The following SOX6 variants were observed in gnomAD, a reference collection of about 807,000 sequenced individuals.
The protein encoded by SOX6 is transcription factor SOX-6.
In SOX6, 11 loss-of-function variants were observed where a neutral mutation model predicts 97.8. That is an observed-to-expected ratio of 0.11 (90% CI 0.07 to 0.19). The LOEUF (loss-of-function observed/expected upper bound fraction) is 0.19, where lower values mean the gene tolerates loss of function less well. Ranked by LOEUF, SOX6 falls within the 10% of genes least tolerant of loss-of-function variation. The pLI, the probability that SOX6 is intolerant of heterozygous loss-of-function variation, is 1.00. For missense variants in SOX6, 810 were observed against 1,039.5 expected (o/e 0.78, Z 3.04); for synonymous variants, 360 against 371.4 (o/e 0.97, Z 0.35).
Position 16,221,185 on chromosome 11 carries a change from T to A in SOX6, c.535+13397A>T, listed in dbSNP as rs143477067. On this transcript the variant is annotated intron_variant, in intron 4 of 15. Transcript: ENST00000683767. ...AGACATTATTTGCATGTTACAGTGA[T>A]GACATTTGCATTGATTATGCAAATA... Among the ~76,000 whole-genome samples the A allele has an allele frequency of 3.0e-4, 45 of 152,216 alleles. 1 individual carries two copies. The highest frequency in any genetic ancestry group is 1.1e-3 in the African/African-American group (44 of 41,552).
chr11:16,636,169 C>A (rs1299871393), intron 3 of SOX6, among the ~76,000 whole-genome samples: 1 of 152,202 alleles, frequency 6.6e-6, no homozygotes, highest in Non-Finnish European at 1.5e-5. Context: ...ACATTCAATA[C>A]CAGTCATGAA....
chr11:16,414,302 C>T (rs553174076), intron 1 of SOX6, among the ~76,000 whole-genome samples: 36 of 152,302 alleles, frequency 2.4e-4, no homozygotes, highest in Middle Eastern at 6.8e-3. Context: ...TTTCATTTAA[C>T]TCATCTGCAA....
chr11:16,699,376 C>A (rs1365010718), intron 3 of SOX6, among the ~76,000 whole-genome samples: 2 of 152,040 alleles, frequency 1.3e-5, no homozygotes, highest in East Asian at 3.9e-4. Context: ...GAACATCACG[C>A]TGCCACCAAG....
At chr11:16,538,165 A>G (rs558025610) in intron 4 of SOX6, among the ~76,000 whole-genome samples, 47 of 152,192 alleles carry the variant, frequency 3.1e-4, no homozygotes, top group Non-Finnish European at 5.7e-4. Flanking sequence ...GGGAGGGGCC[A>G]ATATTCAACA....
intron 12 of SOX6, among the ~76,000 whole-genome samples, chr11:16,037,666 T>C (rs1232108995): frequency 6.6e-6 from 1 of 151,972 alleles, no homozygotes; most frequent in East Asian, 1.9e-4. Context: ...GACCTGTGAG[T>C]TGTGGAAGCA....
At chr11:16,015,146 C>G (rs1854847644) in intron 12 of SOX6, 96 bp from the exon 13 acceptor site, 5 of 1,017,190 alleles carry the variant, frequency 4.9e-6, no homozygotes, top group Non-Finnish European at 7.6e-6. Context: ...AAGGTGAATT[C>G]AAAAATATCA....
chr11:16,114,515 G>T (rs1293375293), intron 6 of SOX6, among the ~76,000 whole-genome samples: 1 of 152,084 alleles, frequency 6.6e-6, no homozygotes, highest in Non-Finnish European at 1.5e-5. Context: ...TTTCTTATAT[G>T]GTTTGCATAT....
chr11:16,606,066 CG>C (rs1418158259), intron 4 of SOX6: 1 of 151,670 alleles, frequency 6.6e-6, no homozygotes, highest in Non-Finnish European at 1.5e-5. Context: ...ACATGACCTC[CG>C]GCTACAACTA....
chr11:16,219,835 A>C (rs1248195601), intron 4 of SOX6, among the ~76,000 whole-genome samples: 2 of 151,952 alleles, frequency 1.3e-5, no homozygotes, highest in South Asian at 2.1e-4. Flanking sequence ...TAAACTAAAG[A>C]TATACCCAGA....
At chr11:16,287,347 G>A (rs1854785719) in intron 3 of SOX6, among the ~76,000 whole-genome samples, 2 of 135,468 alleles carry the variant, frequency 1.5e-5, no homozygotes, top group African/African-American at 5.8e-5. Context: ...CTATACTATT[G>A]CTGTATTTAA....
intron 13 of SOX6, among the ~76,000 whole-genome samples, chr11:16,003,499 C>T (rs1454469084): frequency 6.6e-6 from 1 of 152,088 alleles, no homozygotes; most frequent in African/African-American, 2.4e-5. Flanking sequence ...TATGTACTTA[C>T]TTTCTTTTCT....
At chr11:16,649,629 T>C (rs1294924670) in intron 3 of SOX6, among the ~76,000 whole-genome samples, 2 of 151,896 alleles carry the variant, frequency 1.3e-5, no homozygotes, top group Non-Finnish European at 1.5e-5. Context: ...GAGTTCTAAA[T>C]CTTGAAGAAA....
intron 1 of SOX6, among the ~76,000 whole-genome samples, chr11:16,432,020 A>G (rs1438564865): frequency 6.6e-6 from 1 of 152,112 alleles, no homozygotes. Context: ...ATTTTCCCTA[A>G]AAGTTCCCTT....
At chr11:16,153,432 T>C (rs1160278850) in intron 6 of SOX6, among the ~76,000 whole-genome samples, 2 of 152,158 alleles carry the variant, frequency 1.3e-5, no homozygotes, top group Non-Finnish European at 2.9e-5. Flanking sequence ...CACAGGGATA[T>C]GTAGAGTAAG....
chr11:16,066,317 G>C (rs763264869), intron 9 of SOX6, among the ~76,000 whole-genome samples: 2 of 152,142 alleles, frequency 1.3e-5, no homozygotes. Context: ...ATGTAAATTA[G>C]TACAACCACT....
At chr11:16,592,953 TAAG>T (rs766036784) in intron 4 of SOX6, among the ~76,000 whole-genome samples, 1 of 151,060 alleles carries the variant, frequency 6.6e-6, no homozygotes, top group Non-Finnish European at 1.5e-5. Context: ...TAAGAGAAAA[TAAG>T]GTGCCTTGAG....
chr11:16,650,895 A>T (rs1005187766), intron 3 of SOX6, among the ~76,000 whole-genome samples: 26 of 152,180 alleles, frequency 1.7e-4, no homozygotes, highest in African/African-American at 6.0e-4. Context: ...AACCAAGAAA[A>T]GAAGAGAGAA....
At chr11:16,577,813 AT>A (rs1385009575) in intron 4 of SOX6, among the ~76,000 whole-genome samples, 1 of 152,132 alleles carries the variant, frequency 6.6e-6, no homozygotes, top group Non-Finnish European at 1.5e-5. Flanking sequence ...TTCTTAATAT[AT>A]TCTGAATTCA....
At chr11:16,296,753 A>G (rs536581257) in intron 3 of SOX6, among the ~76,000 whole-genome samples, 56 of 152,286 alleles carry the variant, frequency 3.7e-4, no homozygotes, top group Non-Finnish European at 6.8e-4. Flanking sequence ...TGCCCATTTC[A>G]ATGACCTTTT....
Sources: gnomAD v4.1 joint callset for allele counts (sites outside exome capture counted in the v4.1 genomes callset) on GRCh38, gnomAD v4.1.1 for gene constraint, MANE v1.5 for transcripts, NCBI Gene and HGNC (gene_info 2026-07-23, HGNC 2026-07-21) for gene names.